The following SPPL3 variants were observed in gnomAD, a reference collection of about 807,000 sequenced individuals.
SPPL3 encodes signal peptide peptidase-like 3.
Under a neutral mutation model 42.4 loss-of-function variants are expected in SPPL3, and 5 were observed. The ratio of observed to expected loss-of-function variants is 0.12; its 90% confidence interval spans 0.06 to 0.25. The LOEUF (loss-of-function observed/expected upper bound fraction) is 0.25. SPPL3 is among the 10% of genes least tolerant of loss of function. The probability of loss-of-function intolerance (pLI) is 1.00; values close to 1 mark genes in which losing one functional copy is unlikely to be tolerated. For missense variants in SPPL3, 235 were observed against 489.0 expected (o/e 0.48, Z 4.90); for synonymous variants, 195 against 181.8 (o/e 1.07, Z -0.58).
In SPPL3 at chr12:120,766,279, G is replaced by A. The variant is rs1396645816; in HGVS notation, c.1067C>T (p.Thr356Met). The A allele has an allele frequency of 4.4e-6, 7 of 1,588,720 alleles. No homozygotes were observed. Among genetic ancestry groups the A allele is most frequent in the East Asian group, 2.3e-5 (1 of 44,142 alleles). The change falls in exon 10 of 11, where the codon ACG becomes ATG. Residue 356 changes from threonine (T) to methionine (M), a missense_variant. Coordinates refer to ENST00000353487, the MANE Select transcript of SPPL3 (RefSeq NM_139015.5). ...TGCTCTCACCTTTAAATAGGCCATC[G>A]TGAGGAGTGGCAATAAAGTAAATGG... is the stretch of plus-strand genomic sequence containing the variant. ...LVPFTLLPLL[T>M]MAYLKGDLRR...
At chr12:120,855,936 A>G (rs1872441428) in intron 1 of SPPL3, among the ~76,000 whole-genome samples, 1 of 152,138 alleles carries the variant, frequency 6.6e-6, no homozygotes, top group African/African-American at 2.4e-5. Flanking sequence ...ACTAAATGCA[A>G]TTCTGAAAAG....
At chr12:120,903,475 T>A in intron 1 of SPPL3, 1 of 254,772 alleles carries the variant, frequency 3.9e-6, no homozygotes, top group Non-Finnish European at 7.7e-6. Flanking sequence ...CCCCTTCGAG[T>A]CCTCCTGCCC....
chr12:120,885,442 T>C (rs1036824567), intron 1 of SPPL3, among the ~76,000 whole-genome samples: 1 of 152,216 alleles, frequency 6.6e-6, no homozygotes, highest in Non-Finnish European at 1.5e-5. Context: ...AATTAAGTCA[T>C]GATCGTTGTT....
intron 1 of SPPL3, chr12:120,811,125 A>T (rs1433165925): frequency 2.8e-6 from 1 of 351,284 alleles, no homozygotes; most frequent in Non-Finnish European, 5.1e-6. Context: ...GTAAAATGAC[A>T]TCAATGTAAA....
At chr12:120,816,740 T>C (rs1870889071) in intron 1 of SPPL3, among the ~76,000 whole-genome samples, 1 of 152,130 alleles carries the variant, frequency 6.6e-6, no homozygotes. Context: ...GAACTGTGAA[T>C]CTCTGTGATT....
intron 5 of SPPL3, among the ~76,000 whole-genome samples, chr12:120,783,415 C>G (rs188819357): frequency 3.7e-4 from 57 of 152,300 alleles, no homozygotes; most frequent in African/African-American, 1.3e-3. Flanking sequence ...GAAAACTGCT[C>G]ATCTTTCAAT....
intron 1 of SPPL3, among the ~76,000 whole-genome samples, chr12:120,884,550 TAAA>T (rs35595273): frequency 7.0e-6 from 1 of 143,702 alleles, no homozygotes; most frequent in Admixed American, 6.9e-5. Context: ...TTGTATAATT[TAAA>T]AAAAAAAAAA....
At chr12:120,878,211 CA>C (rs1343354974) in intron 1 of SPPL3, among the ~76,000 whole-genome samples, 1 of 150,296 alleles carries the variant, frequency 6.7e-6, no homozygotes, top group Middle Eastern at 3.2e-3. Flanking sequence ...ATTTAAAAAA[CA>C]AAAAACAAAA....
chr12:120,860,745 TAGTA>T (rs1225446406), intron 1 of SPPL3, among the ~76,000 whole-genome samples: 2 of 152,114 alleles, frequency 1.3e-5, no homozygotes, highest in African/African-American at 2.4e-5. Context: ...TTGCTAGAAA[TAGTA>T]AGAGAAGTAG....
At chr12:120,835,432 T>C (rs1335162621) in intron 1 of SPPL3, 1 of 152,252 alleles carries the variant, frequency 6.6e-6, no homozygotes, top group South Asian at 2.1e-4. Flanking sequence ...ATAGATGTTA[T>C]ACATACAGTT....
chr12:120,808,976 G>GT (rs1327441611), intron 2 of SPPL3, among the ~76,000 whole-genome samples: 1 of 152,178 alleles, frequency 6.6e-6, no homozygotes, highest in Non-Finnish European at 1.5e-5. Context: ...CACTGATAAG[G>GT]TTCTAAGTTC....
chr12:120,852,756 ATATC>A (rs368855803), intron 1 of SPPL3, among the ~76,000 whole-genome samples: 5,137 of 77,172 alleles, frequency 0.067, 1,250 homozygotes, highest in South Asian at 0.14. Context: ...TTCATATATT[ATATC>A]TATGTATATT....
At chr12:120,864,919 T>C (rs1268670847) in intron 1 of SPPL3, among the ~76,000 whole-genome samples, 1 of 152,140 alleles carries the variant, frequency 6.6e-6, no homozygotes, top group Non-Finnish European at 1.5e-5. Flanking sequence ...AACAAAACTG[T>C]AGAGTGTGTG....
chr12:120,845,522 G>T, intron 1 of SPPL3: 1 of 449,448 alleles, frequency 2.2e-6, no homozygotes, highest in Admixed American at 3.0e-5. Flanking sequence ...TGGGAATGGT[G>T]GTCACCATCT....
At chr12:120,893,590 C>T (rs996716504) in intron 1 of SPPL3, among the ~76,000 whole-genome samples, 1 of 152,110 alleles carries the variant, frequency 6.6e-6, no homozygotes, top group African/African-American at 2.4e-5. Context: ...CTTCCACCCC[C>T]ACTACTCTGA....
intron 1 of SPPL3, among the ~76,000 whole-genome samples, chr12:120,844,264 A>G (rs1871942054): frequency 6.6e-6 from 1 of 152,136 alleles, no homozygotes; most frequent in South Asian, 2.1e-4. Flanking sequence ...TACCTCCAAA[A>G]CATAGCCTAA....
chr12:120,809,995 C>T, intron 2 of SPPL3, among the ~76,000 whole-genome samples: 1 of 149,782 alleles, frequency 6.7e-6, no homozygotes, highest in East Asian at 2.0e-4. Flanking sequence ...TTTTTTGAGA[C>T]ATAGTCTGGC....
intron 1 of SPPL3, chr12:120,903,542 G>A (rs940866586): frequency 1.0e-5 from 4 of 398,182 alleles, no homozygotes; most frequent in African/African-American, 2.1e-5. Context: ...CTTCCCATCC[G>A]TGGGATTCCC....
intron 1 of SPPL3, among the ~76,000 whole-genome samples, chr12:120,829,784 C>T (rs556399084): frequency 9.9e-5 from 15 of 151,956 alleles, no homozygotes; most frequent in East Asian, 2.0e-4. Flanking sequence ...CACCTGTGGA[C>T]GGGAGTTTGA....
Sources: gnomAD v4.1 joint callset for allele counts (sites outside exome capture counted in the v4.1 genomes callset) on GRCh38, gnomAD v4.1.1 for gene constraint, MANE v1.5 for transcripts, NCBI Gene and HGNC (gene_info 2026-07-23, HGNC 2026-07-21) for gene names.